Variants in DTWD2 observed in about 807,000 individuals in gnomAD.
DTWD2 encodes the protein tRNA-uridine aminocarboxypropyltransferase 2.
In DTWD2, 39 loss-of-function variants were observed where a neutral mutation model predicts 31.8. The ratio of observed to expected loss-of-function variants is 1.22; its 90% CI spans 0.95 to 1.60. The LOEUF (loss-of-function observed/expected upper bound fraction) is 1.60. Ranked by LOEUF, DTWD2 falls within the 40% of genes most tolerant of loss-of-function variation. The pLI, the probability that DTWD2 is intolerant of heterozygous loss-of-function variation, is 0.00. For missense variants in DTWD2, 515 were observed against 381.5 expected (o/e 1.35, Z -2.92); for synonymous variants, 180 against 142.8 (o/e 1.26, Z -1.86).
chr5:118,921,023 T>A (rs889697995), intron 4 of DTWD2, among the ~76,000 whole-genome samples: 1 of 152,178 alleles, frequency 6.6e-6, no homozygotes, highest in Non-Finnish European at 1.5e-5. Flanking sequence ...CTTTTGCATA[T>A]AGGAAGATCA....
Position 118,988,299 on chromosome 5 carries a change from G to A in DTWD2, c.213C>T (p.Arg71=), listed in dbSNP as rs779643737. 6.6e-7 allele frequency: 1 copy of A among 1,523,950 alleles called. No homozygotes were observed. Among genetic ancestry groups the A allele is most frequent in the Non-Finnish European group, 8.8e-7 (1 of 1,140,126 alleles). 94.4% of individuals were successfully genotyped at this position (1,523,950 alleles called of 1,614,324 possible). A position where few individuals can be genotyped will look rare whatever the true frequency, so the allele number is the denominator to read the frequency against. Residue 71 remains arginine, a synonymous_variant, in exon 1 of 6, where the codon CGC becomes CGT. Transcript: ENST00000510708. ...EPAERRPECT[R]CSRPQKVCLC... ...GCCCCCAGCCCCGCGGTCACCTGCA[G>A]CGGGTGCACTCAGGCCTCCGCTCGG...
intron 3 of DTWD2, among the ~76,000 whole-genome samples, chr5:118,933,482 G>A (rs1445070982): frequency 6.6e-6 from 1 of 152,142 alleles, no homozygotes; most frequent in Admixed American, 6.6e-5. Context: ...TTACAGGGAT[G>A]GAAGGTTGGT....
At chr5:118,981,090 A>G (rs900584613) in intron 1 of DTWD2, among the ~76,000 whole-genome samples, 5 of 152,238 alleles carry the variant, frequency 3.3e-5, no homozygotes, top group African/African-American at 1.2e-4. Context: ...CGGTGAAATT[A>G]GCCAGACACA....
At position 118,988,515 on chromosome 5, in the gene DTWD2, G is replaced by A. The variant is rs755164978; in HGVS notation, c.-4C>T. The A allele has an allele frequency of 1.7e-5, 27 of 1,549,406 alleles. No homozygotes were observed. The highest frequency in any genetic ancestry group is 2.8e-5 in the African/African-American group (2 of 70,330). On this transcript the variant is annotated 5_prime_UTR_variant, in exon 1 of 6. Transcript: ENST00000510708. The stretch of plus-strand genomic sequence containing the variant: ...GTGCCTCTTTCTGCGACTCCATGGC[G>A]GACACTCCGGTCAGGCCGTGGCATT...
rs757997942 is a variant in DTWD2, at chr5:118,944,692, T to C, written c.219-43A>G. The C allele has an allele frequency of 1.8e-5, 28 of 1,581,234 alleles. No homozygotes were observed. The African/African-American group carries it at 3.8e-4, about 22-fold the overall frequency. ...AAATAAAACTGGTAAATTTTAAAAA[T>C]ACAATGATATAACAATTTTTTAAAT... On this transcript the variant is annotated intron_variant, in intron 1 of 5. Transcript: ENST00000510708.
At position 118,983,450 on chromosome 5, in the gene DTWD2, G is replaced by A. The variant is rs555813230; in HGVS notation, c.218+4844C>T. On this transcript the variant is annotated intron_variant, in intron 1 of 5. Transcript: ENST00000510708. ...CAAAACATCTGTAGAGTGCCAGTTT[G>A]TGGCTCGTGCATTCTTCTTAAACAC... 2.6e-5 allele frequency among the ~76,000 whole-genome samples: 4 copies of A among 152,272 alleles called. No homozygotes were observed. In the South Asian group the frequency reaches 8.3e-4, roughly 32 times the overall value.
At chr5:118,860,067 A>G (rs143091842) in intron 4 of DTWD2, among the ~76,000 whole-genome samples, 1,646 of 152,130 alleles carry the variant, frequency 0.011, 28 homozygotes, top group African/African-American at 0.038. Flanking sequence ...GCAGTGAGCC[A>G]TGATCATTCC....
chr5:118,934,923 C>A (rs1754003736), intron 3 of DTWD2, among the ~76,000 whole-genome samples: 1 of 152,108 alleles, frequency 6.6e-6, no homozygotes, highest in East Asian at 1.9e-4. Context: ...GGTCTTCTTT[C>A]CGTTTCCTGG....
At chr5:118,887,140 A>T (rs950406207) in intron 4 of DTWD2, among the ~76,000 whole-genome samples, 7 of 152,192 alleles carry the variant, frequency 4.6e-5, no homozygotes, top group Non-Finnish European at 1.0e-4. Context: ...TATAATGAGC[A>T]GTTTATGTCA....
rs1206040589 is a variant in DTWD2, at chr5:118,837,605, T to C, written c.*3312A>G. The C allele has an allele frequency of 2.0e-5, 3 of 152,152 alleles. No individual in the cohort carries two copies. Among genetic ancestry groups the C allele is most frequent in the Admixed American group, 1.3e-4 (2 of 15,272 alleles). 9.4% of individuals were successfully genotyped at this position (152,152 alleles called of 1,614,324 possible). A position where few individuals can be genotyped will look rare whatever the true frequency, so the allele number is the denominator to read the frequency against. The stretch of plus-strand genomic sequence containing the variant: ...CTATTTAGGGCAACAGTTGGAAATA[T>C]GTGATGAAGAAACTGAGTAAATTAT... On this transcript the variant is annotated 3_prime_UTR_variant, in exon 6 of 6. Coordinates refer to ENST00000510708, the MANE Select transcript of DTWD2 (RefSeq NM_173666.4).
At chr5:118,924,665 G>T (rs947364623) in intron 4 of DTWD2, among the ~76,000 whole-genome samples, 1 of 152,136 alleles carries the variant, frequency 6.6e-6, no homozygotes, top group African/African-American at 2.4e-5. Context: ...AACTTTTAGT[G>T]TTACATAAAG....
chr5:118,853,673 C>A (rs1220723600), intron 4 of DTWD2, among the ~76,000 whole-genome samples: 1 of 152,096 alleles, frequency 6.6e-6, no homozygotes, highest in Non-Finnish European at 1.5e-5. Flanking sequence ...GCATGTTCTC[C>A]CTTATAATTG....
At chr5:118,954,493 T>C (rs959844604) in intron 1 of DTWD2, among the ~76,000 whole-genome samples, 10 of 152,108 alleles carry the variant, frequency 6.6e-5, no homozygotes, top group Admixed American at 3.9e-4. Context: ...AGGTGCTCAA[T>C]AGATATTGCT....
chr5:118,959,213 A>C (rs1477890194), intron 1 of DTWD2, among the ~76,000 whole-genome samples: 1 of 152,218 alleles, frequency 6.6e-6, no homozygotes, highest in Non-Finnish European at 1.5e-5. Context: ...TAGTCTGCCC[A>C]AAAGCTCCTA....
intron 1 of DTWD2, among the ~76,000 whole-genome samples, chr5:118,949,684 G>C (rs1012777371): frequency 6.6e-6 from 1 of 152,102 alleles, no homozygotes; most frequent in Non-Finnish European, 1.5e-5. Flanking sequence ...GGGATGTTAA[G>C]GGGTGCATGA....
intron 4 of DTWD2, among the ~76,000 whole-genome samples, chr5:118,870,486 C>A (rs1326347806): frequency 6.6e-6 from 1 of 152,204 alleles, no homozygotes; most frequent in African/African-American, 2.4e-5. Flanking sequence ...ACAAACAAGT[C>A]ACACAAATTT....
At chr5:118,861,135 G>A (rs1580771889) in intron 4 of DTWD2, among the ~76,000 whole-genome samples, 1 of 152,200 alleles carries the variant, frequency 6.6e-6, no homozygotes, top group Non-Finnish European at 1.5e-5. Context: ...TGAAATGATG[G>A]TTGTTGCTAA....
At chr5:118,931,707 T>C (rs112231555) in intron 3 of DTWD2, among the ~76,000 whole-genome samples, 3 of 149,942 alleles carry the variant, frequency 2.0e-5, no homozygotes, top group African/African-American at 2.4e-5. Context: ...AGTAAGGATA[T>C]TGTTGGCCTG....
At chr5:118,866,476 A>G (rs1388004588) in intron 4 of DTWD2, among the ~76,000 whole-genome samples, 1 of 152,246 alleles carries the variant, frequency 6.6e-6, no homozygotes, top group Non-Finnish European at 1.5e-5. Context: ...CAGCAGTGTG[A>G]CAAAAATGGA....
Sources: gnomAD v4.1 joint callset for allele counts (sites outside exome capture counted in the v4.1 genomes callset) on GRCh38, gnomAD v4.1.1 for gene constraint, MANE v1.5 for transcripts, NCBI Gene and HGNC (gene_info 2026-07-23, HGNC 2026-07-21) for gene names.